The following RADIL variants were observed in gnomAD, a reference collection of about 807,000 sequenced individuals.
RADIL encodes the protein Rap associating with DIL domain, also known as ras-associating and dilute domain-containing protein.
In RADIL, 99 loss-of-function variants were observed where a neutral mutation model predicts 97.6. That is an observed-to-expected ratio of 1.01 (90% CI 0.86 to 1.20). The LOEUF is 1.20. RADIL is among the 50% of genes most tolerant of loss of function. The pLI is 0.00. For synonymous variants in RADIL, 803 were observed against 691.8 expected (o/e 1.16, Z -2.52); for missense variants, 1,765 against 1,498.9 (o/e 1.18, Z -2.93).
In RADIL at chr7:4,819,906, C is replaced by T. The variant is rs1406382007; in HGVS notation, c.1615+2488G>A. On this transcript the variant is annotated intron_variant, in intron 6 of 14. Transcript: ENST00000399583. The surrounding 1 kb of genome is among the most constrained non-coding windows in gnomAD (Gnocchi z 5.8). ...GACCAAAAATAACTTCCTCCCAAGA[C>T]CAAAGGCAGCAGCTCCAACAGCCCA... is the stretch of plus-strand genomic sequence containing the variant. Among the ~76,000 whole-genome samples the T allele has an allele frequency of 6.6e-6, 1 of 152,238 alleles. No homozygotes were observed. Among genetic ancestry groups the T allele is most frequent in the Non-Finnish European group, 1.5e-5 (1 of 68,048 alleles).
At position 4,842,185 on chromosome 7, in the gene RADIL, G is replaced by C. The variant is rs545691629; in HGVS notation, c.536-5580C>G. On this transcript the variant is annotated intron_variant, in intron 2 of 14. Transcript: ENST00000399583. This position sits in a 1 kb window ranked among gnomAD's most constrained non-coding sequence, Gnocchi z 4.5. ...CTTTGACAATGGGATAGAAGGAGTAGAAAGTGCAGGGCGCCGGGGCAATGG... is the reference window on the plus strand; with the variant it reads ...CTTTGACAATGGGATAGAAGGAGTACAAAGTGCAGGGCGCCGGGGCAATGG... Among the ~76,000 whole-genome samples, 8 of 152,294 alleles carry C rather than the reference G, an allele frequency of 5.3e-5. No individual in the cohort carries two copies. The East Asian group carries it at 1.5e-3, about 29-fold the overall frequency.
Position 4,805,661 on chromosome 7 carries a change from T to A in RADIL, c.2195A>T (p.His732Leu), listed in dbSNP as rs749717589. 3.7e-6 allele frequency: 6 copies of A among 1,611,842 alleles called. No homozygotes were observed. In the Admixed American group the frequency reaches 8.3e-5, roughly 22 times the overall value. Residue 732 changes from histidine to leucine, a missense_variant, in exon 10 of 15, where the codon CAC becomes CTC. Physicochemically the swap from His to Leu is moderately conservative, Grantham distance 99. Transcript: ENST00000399583. ...AFPALSPAQL[H>L]RLLTHYQLAS... ...CAGCTGGTAGTGAGTCAGCAGCCGG[T>A]GCAGCTGTGCTGGGCTCAGTGCGGG...
intron 9 of RADIL, chr7:4,811,213 C>A (rs984632264): frequency 2.0e-5 from 3 of 151,768 alleles, no homozygotes; most frequent in African/African-American, 2.4e-5. Context: ...TGAAGCAATG[C>A]GAGTGGAGAA....
At chr7:4,800,381 G>A (rs1442780613) in intron 12 of RADIL, 71 bp from the exon 13 acceptor site, 1 of 1,378,832 alleles carries the variant, frequency 7.3e-7, no homozygotes, top group Non-Finnish European at 9.4e-7. Flanking sequence ...GGATGTCCTG[G>A]CCTGGCTGCC....
chr7:4,861,994 T>G (rs1406950518), intron 2 of RADIL: 2 of 446,404 alleles, frequency 4.5e-6, no homozygotes, highest in Non-Finnish European at 7.9e-6. Flanking sequence ...AGCCCCAACA[T>G]GGCGCCAGAC....
At chr7:4,810,655 C>G (rs574119342) in intron 9 of RADIL, among the ~76,000 whole-genome samples, 1 of 152,244 alleles carries the variant, frequency 6.6e-6, no homozygotes, top group Non-Finnish European at 1.5e-5. Flanking sequence ...GCATCTCCGT[C>G]GGGGAAATTG....
rs117700497 is a variant in RADIL, at chr7:4,807,658, T to C, written c.2140-1942A>G. 4.1e-3 allele frequency among the ~76,000 whole-genome samples: 282 copies of C among 68,196 alleles called. 10 individuals carry two copies. The highest frequency in any genetic ancestry group is 0.02 in the Middle Eastern group (2 of 102). The allele number at this position is 68,196 out of a possible 152,430, so 44.7% of individuals were successfully genotyped here. A position where few individuals can be genotyped will look rare whatever the true frequency, so the allele number is the denominator to read the frequency against. ...CCTCCTCCCGCTCCTTCTCTCTCTCTGTCTCCCCTCCCTCCTCCCTCTCCT... is the reference window on the plus strand; with the variant it reads ...CCTCCTCCCGCTCCTTCTCTCTCTCCGTCTCCCCTCCCTCCTCCCTCTCCT... On this transcript the variant is annotated intron_variant, in intron 9 of 14. Transcript: ENST00000399583.
In RADIL at chr7:4,835,369, G is replaced by T; in HGVS notation, c.784-130C>A. 8.2e-7 allele frequency: 1 copy of T among 1,218,328 alleles called. No individual in the cohort carries two copies. The highest frequency in any genetic ancestry group is 1.1e-6 in the Non-Finnish European group (1 of 878,174). The allele number at this position is 1,218,328 out of a possible 1,614,324, so 75.5% of individuals were successfully genotyped here. A position where few individuals can be genotyped will look rare whatever the true frequency, so the allele number is the denominator to read the frequency against. On this transcript the variant is annotated intron_variant, in intron 3 of 14. Coordinates refer to ENST00000399583, the MANE Select transcript of RADIL (RefSeq NM_018059.5). This position sits in a 1 kb window ranked among gnomAD's most constrained non-coding sequence, Gnocchi z 5.8. ...TCGCCACGGGCTCTCCATGTCCCTG[G>T]CCACCCCCACACCAGAACCCCGACG...
intron 5 of RADIL, among the ~76,000 whole-genome samples, chr7:4,826,937 G>A (rs1348341276): frequency 6.6e-6 from 1 of 151,848 alleles, no homozygotes; most frequent in Non-Finnish European, 1.5e-5. Context: ...AAAACAAAAG[G>A]GCACAGAAAG....
intron 2 of RADIL, chr7:4,859,954 A>T (rs1335231558): frequency 6.2e-7 from 1 of 1,613,900 alleles, no homozygotes; most frequent in African/African-American, 1.3e-5. Flanking sequence ...GGCTTATGAG[A>T]CATGTTGAAG....
In RADIL at chr7:4,800,182, T is replaced by C. The variant is rs539104973; in HGVS notation, c.2971A>G (p.Ile991Val). ...RGPSGLGMGL[I>V]DGMHTHLGAP... is the part of the protein sequence containing the mutation. ...CCTGGGCCACTCACCATCCCGTCGATCAGGCCCATCCCCAGCCCGGAGGGG... is the reference window on the plus strand; with the variant it reads ...CCTGGGCCACTCACCATCCCGTCGACCAGGCCCATCCCCAGCCCGGAGGGG... Residue 991 changes from isoleucine (I) to valine (V), a missense_variant, in exon 13 of 15, where the codon ATC becomes GTC. Ile to Val is a conservative substitution (Grantham distance 29, BLOSUM62 3). Transcript: ENST00000399583. 7.3e-5 allele frequency: 117 copies of C among 1,608,866 alleles called. 1 individual carries two copies. The highest frequency in any genetic ancestry group is 3.3e-4 in the Middle Eastern group (2 of 6,026).
Position 4,832,300 on chromosome 7 carries a change from G to C in RADIL, c.1417-122C>G, listed in dbSNP as rs919310777. The C allele has an allele frequency of 4.3e-6, 4 of 920,730 alleles. No homozygotes were observed. The African/African-American group carries it at 6.6e-5, about 15-fold the overall frequency. The allele number at this position is 920,730 out of a possible 1,614,324, so 57.0% of individuals were successfully genotyped here. A position where few individuals can be genotyped will look rare whatever the true frequency, so the allele number is the denominator to read the frequency against. On this transcript the variant is annotated intron_variant, in intron 4 of 14. Coordinates refer to ENST00000399583, the MANE Select transcript of RADIL (RefSeq NM_018059.5). ...TGCTGCCCCAGGCATCCTGTGTGAC[G>C]CTGACTATTTATTCAAGCTGTGCTG...
chr7:4,882,232 G>T (rs571907490), intron 1 of RADIL: 1 of 152,252 alleles, frequency 6.6e-6, no homozygotes, highest in Non-Finnish European at 1.5e-5. Context: ...GCGGAGCCTG[G>T]CCTGTTTGTG....
At chr7:4,838,157 ACCCGG>A in intron 2 of RADIL, 1 of 717,956 alleles carries the variant, frequency 1.4e-6, no homozygotes, top group Non-Finnish European at 1.7e-6. Context: ...CGCCTGCAGA[ACCCGG>A]CCCAGCCTGG....
In RADIL at chr7:4,861,707, G is replaced by A. The variant is rs759171720; in HGVS notation, c.535+15898C>T. The A allele has an allele frequency of 6.4e-6, 10 of 1,572,088 alleles. No individual in the cohort carries two copies. The East Asian group carries it at 2.2e-4, about 35-fold the overall frequency. ...TAGCCTCTGGGTGAGGAGGCAGTCC[G>A]TCTCCTTGGGGACCGCTAGACTGAT... On this transcript the variant is annotated intron_variant, in intron 2 of 14. Transcript: ENST00000399583.
chr7:4,800,174 C>G lies in RADIL; in HGVS notation c.2979G>C (p.Gly993=). Residue 993 remains glycine (G), a synonymous_variant, in exon 13 of 15, where the codon GGG becomes GGC. Transcript: ENST00000399583. Reference sequence around the variant, plus strand: ...GCGAGGGTCCTGGGCCACTCACCATCCCGTCGATCAGGCCCATCCCCAGCC... The same window carrying G: ...GCGAGGGTCCTGGGCCACTCACCATGCCGTCGATCAGGCCCATCCCCAGCC... ...PSGLGMGLID[G]MHTHLGAPGL... 1 of 1,607,744 alleles carries G rather than the reference C, an allele frequency of 6.2e-7. No individual in the cohort carries two copies. The highest frequency in any genetic ancestry group is 1.1e-5 in the South Asian group (1 of 90,394).
intron 5 of RADIL, among the ~76,000 whole-genome samples, chr7:4,829,485 A>T (rs1300212599): frequency 6.6e-6 from 1 of 152,220 alleles, no homozygotes; most frequent in Non-Finnish European, 1.5e-5. Context: ...CTTTGAAAGA[A>T]GGATGGACCC....
chr7:4,835,486 C>T lies in RADIL; in HGVS notation c.784-247G>A, dbSNP rs907770551. On this transcript the variant is annotated intron_variant, in intron 3 of 14. Coordinates refer to ENST00000399583, the MANE Select transcript of RADIL (RefSeq NM_018059.5). The surrounding 1 kb of genome is among the most constrained non-coding windows in gnomAD (Gnocchi z 5.8). ...CACGAGAGACCCAGGAGACACCCAGCTTTGAGACAGCGACAGGCCAGGTCA... is the reference window on the plus strand; with the variant it reads ...CACGAGAGACCCAGGAGACACCCAGTTTTGAGACAGCGACAGGCCAGGTCA... 6.6e-6 allele frequency among the ~76,000 whole-genome samples: 1 copy of T among 152,196 alleles called. No homozygotes were observed. The highest frequency in any genetic ancestry group is 1.5e-5 in the Non-Finnish European group (1 of 68,038).
chr7:4,809,105 C>A (rs1364525872), intron 9 of RADIL: 8 of 984,754 alleles, frequency 8.1e-6, no homozygotes, highest in Middle Eastern at 5.2e-4. Context: ...GCTCAGGATG[C>A]GGGGCGCAGG....
Sources: allele counts gnomAD v4.1 joint callset (sites outside exome capture counted in the v4.1 genomes callset), GRCh38; gene constraint gnomAD v4.1.1; non-coding constraint Gnocchi (gnomAD v3.1); transcripts MANE v1.5; gene names NCBI Gene and HGNC (gene_info 2026-07-23, HGNC 2026-07-21).